Variants in TTC39B observed in about 807,000 individuals in gnomAD.
TTC39B encodes the protein tetratricopeptide repeat protein 39B.
Under a neutral mutation model 96.6 loss-of-function variants are expected in TTC39B, and 92 were observed. The ratio of observed to expected loss-of-function variants is 0.95; its 90% CI spans 0.80 to 1.13. The LOEUF is 1.13. TTC39B is among the 50% of genes most tolerant of loss of function. The probability of loss-of-function intolerance (pLI) is 0.00; values close to 1 mark genes in which losing one functional copy is unlikely to be tolerated. For synonymous variants in TTC39B, 367 were observed against 299.4 expected, an observed-to-expected ratio of 1.23 and a Z score of -2.33; for missense variants, 955 against 809.3, an observed-to-expected ratio of 1.18 and a Z score of -2.18.
At chr9:15,175,121 T>A (rs755974443) in exon 19 of TTC39B, 1 of 1,611,876 alleles carries the variant, frequency 6.2e-7, no homozygotes, top group Non-Finnish European at 8.5e-7. Flanking sequence ...GTGGTCATAC[T>A]TCAGTAGCTT....
At chr9:15,300,965 C>A (rs150721521) in intron 1 of TTC39B, among the ~76,000 whole-genome samples, 1 of 149,498 alleles carries the variant, frequency 6.7e-6, no homozygotes, top group African/African-American at 2.5e-5. Flanking sequence ...AATTCCTTAG[C>A]GTGACATTCA....
intron 1 of TTC39B, among the ~76,000 whole-genome samples, chr9:15,299,467 C>T (rs16932963): frequency 0.16 from 23,773 of 152,010 alleles, 3,367 homozygotes; most frequent in African/African-American, 0.38. Context: ...CAACTGGCCG[C>T]GGTGGCTCTG....
chr9:15,209,386 A>T (rs971428822), intron 6 of TTC39B, among the ~76,000 whole-genome samples: 3 of 152,216 alleles, frequency 2.0e-5, no homozygotes, highest in African/African-American at 7.2e-5. Context: ...AAATGTCCAC[A>T]AACCAAGCAT....
chr9:15,302,654 G>T (rs1824636947), intron 1 of TTC39B, among the ~76,000 whole-genome samples: 1 of 150,936 alleles, frequency 6.6e-6, no homozygotes, highest in Non-Finnish European at 1.5e-5. Context: ...GACCGGCCTG[G>T]CCAACGTGCT....
intron 1 of TTC39B, among the ~76,000 whole-genome samples, chr9:15,296,577 C>A (rs967154740): frequency 6.6e-6 from 1 of 152,200 alleles, no homozygotes; most frequent in African/African-American, 2.4e-5. Context: ...TCACTGCAAT[C>A]TCCGCCTCCC....
At chr9:15,262,487 T>C (rs1225591262) in intron 2 of TTC39B, among the ~76,000 whole-genome samples, 5 of 152,240 alleles carry the variant, frequency 3.3e-5, no homozygotes, top group Admixed American at 2.0e-4. Flanking sequence ...ATGGTGGAGA[T>C]TTTTGTATGA....
chr9:15,253,533 A>G lies in TTC39B; in HGVS notation c.275+14381T>C, dbSNP rs138360284. On this transcript the variant is annotated intron_variant, in intron 2 of 19. Coordinates refer to ENST00000512701, the Ensembl canonical transcript of TTC39B. Reference sequence around the variant, plus strand: ...CAGACATCTGACCTCCAGAACTGTAAGAAAATAAACCTGTATTATGTGAAA... The same window carrying G: ...CAGACATCTGACCTCCAGAACTGTAGGAAAATAAACCTGTATTATGTGAAA... Among the ~76,000 whole-genome samples the G allele has an allele frequency of 6.3e-4, 96 of 152,370 alleles. 1 individual carries two copies. In the East Asian group the frequency reaches 0.018, roughly 29 times the overall value.
intron 1 of TTC39B, among the ~76,000 whole-genome samples, chr9:15,268,587 T>A (rs1033797962): frequency 2.6e-4 from 40 of 151,948 alleles, no homozygotes; most frequent in African/African-American, 9.4e-4. Flanking sequence ...ATGCACTCAC[T>A]CAAAAACTCA....
intron 6 of TTC39B, among the ~76,000 whole-genome samples, chr9:15,208,467 G>C (rs1375228980): frequency 6.6e-6 from 1 of 152,160 alleles, no homozygotes; most frequent in African/African-American, 2.4e-5. Flanking sequence ...GGAAACCATA[G>C]AGAGAGTAAC....
chr9:15,288,394 A>T (rs1275842743), intron 1 of TTC39B, among the ~76,000 whole-genome samples: 1 of 152,310 alleles, frequency 6.6e-6, no homozygotes, highest in East Asian at 1.9e-4. Flanking sequence ...TGAACAGAAG[A>T]GCAGAAGAAT....
rs1449992066 is a variant in TTC39B, at chr9:15,306,260, T to G, written c.240+824A>C. ...TCAAGAGCAGGGAGAGCGCTGTCTC[T>G]GGAGTTGCCAGGTGCTGAAATGAAT... On this transcript the variant is annotated intron_variant, in intron 1 of 19. Coordinates refer to ENST00000512701, the Ensembl canonical transcript of TTC39B. This position sits in a 1 kb window ranked among gnomAD's most constrained non-coding sequence, Gnocchi z 5.1. Among the ~76,000 whole-genome samples, 1 of 152,226 alleles carries G rather than the reference T, an allele frequency of 6.6e-6. No individual in the cohort carries two copies. The highest frequency in any genetic ancestry group is 1.5e-5 in the Non-Finnish European group (1 of 68,036).
At chr9:15,251,502 C>T (rs529392017) in intron 2 of TTC39B, among the ~76,000 whole-genome samples, 6 of 151,730 alleles carry the variant, frequency 4.0e-5, no homozygotes, top group South Asian at 4.2e-4. Context: ...GTGCAGGTTG[C>T]GGTGAGCTGA....
chr9:15,206,747 TA>T (rs33982067), intron 6 of TTC39B, among the ~76,000 whole-genome samples: 5,264 of 152,226 alleles, frequency 0.035, 300 homozygotes, highest in African/African-American at 0.12. Context: ...TTTATTAGTT[TA>T]TTTTTTTTAT....
intron 2 of TTC39B, among the ~76,000 whole-genome samples, chr9:15,255,435 A>G (rs552827945): frequency 2.0e-5 from 3 of 152,306 alleles, no homozygotes; most frequent in African/African-American, 7.2e-5. Flanking sequence ...GAGACCAGAG[A>G]GGCTGATGAT....
At chr9:15,215,687 G>A (rs547664116) in intron 3 of TTC39B, among the ~76,000 whole-genome samples, 72 of 151,352 alleles carry the variant, frequency 4.8e-4, no homozygotes, top group African/African-American at 1.4e-3. Flanking sequence ...GTGAAACCCC[G>A]TCTCTACTAA....
chr9:15,224,876 A>AT (rs1174361702), intron 3 of TTC39B, among the ~76,000 whole-genome samples: 1 of 152,224 alleles, frequency 6.6e-6, no homozygotes. Flanking sequence ...TTTTCTATAT[A>AT]TTGCGAGGGT....
At chr9:15,252,604 C>T (rs973879011) in intron 2 of TTC39B, among the ~76,000 whole-genome samples, 25 of 151,754 alleles carry the variant, frequency 1.6e-4, no homozygotes, top group African/African-American at 5.1e-4. Flanking sequence ...GCCAAGATGG[C>T]GCTATGGCAC....
chr9:15,279,573 G>T (rs1332457427), intron 1 of TTC39B, among the ~76,000 whole-genome samples: 1 of 152,186 alleles, frequency 6.6e-6, no homozygotes, highest in East Asian at 1.9e-4. Flanking sequence ...GCTGTCCATA[G>T]ATTAATGTCA....
At chr9:15,227,711 C>T (rs552822469) in intron 2 of TTC39B, among the ~76,000 whole-genome samples, 5 of 152,140 alleles carry the variant, frequency 3.3e-5, no homozygotes, top group Middle Eastern at 3.2e-3. Context: ...CCATTTGGAC[C>T]ATTCTTGCCC....
Sources: allele counts gnomAD v4.1 joint callset (sites outside exome capture counted in the v4.1 genomes callset), GRCh38; gene constraint gnomAD v4.1.1; non-coding constraint Gnocchi (gnomAD v3.1); transcripts MANE v1.5; gene names NCBI Gene and HGNC (gene_info 2026-07-23, HGNC 2026-07-21).